Variants in SPHK2 observed in about 807,000 individuals in gnomAD.
SPHK2 encodes the protein sphingosine kinase 2.
A neutral mutation model predicts 32.3 loss-of-function variants in SPHK2; 18 were observed. The ratio of observed to expected loss-of-function variants is 0.56; its 90% CI spans 0.39 to 0.83. The LOEUF is 0.83. Among genes scored for constraint, SPHK2 ranks in the 40% least tolerant of loss-of-function variants. The pLI is 0.00. For synonymous variants in SPHK2, 462 were observed against 417.6 expected, an observed-to-expected ratio of 1.11 and a Z score of -1.30; for missense variants, 850 against 908.7, an observed-to-expected ratio of 0.94 and a Z score of 0.83.
At chr19:48,620,576 A>G in intron 2 of SPHK2, 23 bp downstream of exon 2, 2 of 1,599,770 alleles carry the variant, frequency 1.3e-6, no homozygotes, top group Non-Finnish European at 1.7e-6. Flanking sequence ...CTAAAAGCCA[A>G]GATCCTCATA....
chr19:48,627,244 T>A (rs2029993222), intron 3 of SPHK2, among the ~76,000 whole-genome samples: 1 of 152,274 alleles, frequency 6.6e-6, no homozygotes, highest in South Asian at 2.1e-4. Flanking sequence ...TGCATGGGTC[T>A]TGACCACAGG....
rs115205267 is a variant in SPHK2, at chr19:48,625,687, C to T, written c.40-204C>T. On this transcript the variant is annotated intron_variant, in intron 2 of 6. Transcript: ENST00000245222. ...ATAAATGATTGGATGTTTGCATGCC[C>T]GGGTCTCCGGCCCCCTCTGGGATGC... 2,699 of 1,534,614 alleles carry T rather than the reference C, an allele frequency of 1.8e-3. 40 individuals are homozygous for T. In the African/African-American group the frequency reaches 0.031, roughly 18 times the overall value.
At chr19:48,625,629 G>A in intron 2 of SPHK2, 3 of 1,515,894 alleles carry the variant, frequency 2.0e-6, no homozygotes, top group Non-Finnish European at 1.8e-6. Context: ...CACCGTGATT[G>A]GCACATAAAG....
chr19:48,629,548 G>A lies in SPHK2; in HGVS notation c.1740G>A (p.Leu580=). The A allele has an allele frequency of 6.2e-7, 1 of 1,603,326 alleles. No homozygotes were observed. Among genetic ancestry groups the A allele is most frequent in the Non-Finnish European group, 8.5e-7 (1 of 1,175,974 alleles). The change falls in exon 7 of 7, where the codon CTG becomes CTA. Residue 580 remains leucine (L), a synonymous_variant. Transcript: ENST00000245222. Reference sequence around the variant, plus strand: ...GTAGCGGCATCTCGCGGGCTGCGCTGCTGCGCCTTTTCTTGGCCATGGAGC... The same window carrying A: ...GTAGCGGCATCTCGCGGGCTGCGCTACTGCGCCTTTTCTTGGCCATGGAGC... The part of the protein sequence containing the change: ...WVRSGISRAA[L]LRLFLAMERG...
chr19:48,625,964 C>T lies in SPHK2; in HGVS notation c.113C>T (p.Ala38Val). 6.2e-7 allele frequency: 1 copy of T among 1,612,504 alleles called. No homozygotes were observed. The highest frequency in any genetic ancestry group is 1.1e-5 in the South Asian group (1 of 90,992). ...RSTLVRAKAM[A>V]PPPPPLAAST... ...ACCCTGGTCAGGGCTAAGGCCATGGCCCCGCCCCCACCGCCACTGGCTGCC... is the reference window on the plus strand; with the variant it reads ...ACCCTGGTCAGGGCTAAGGCCATGGTCCCGCCCCCACCGCCACTGGCTGCC... Residue 38 changes from alanine to valine, a missense_variant, in exon 3 of 7, where the codon GCC becomes GTC. Around this residue, in one of 2 missense-constraint regions of SPHK2, gnomAD observed 544 missense variants for 640.0 expected, o/e 0.85. Transcript: ENST00000245222.
chr19:48,625,991 G>A lies in SPHK2; in HGVS notation c.140G>A (p.Ser47Asn). 1 of 1,613,270 alleles carries A rather than the reference G, an allele frequency of 6.2e-7. No homozygotes were observed. The highest frequency in any genetic ancestry group is 8.5e-7 in the Non-Finnish European group (1 of 1,179,900). Reference protein sequence around the residue: ...MAPPPPPLAASTPLLHGEFGS... With the variant: ...MAPPPPPLAANTPLLHGEFGS... ...CCGCCCCCACCGCCACTGGCTGCCA[G>A]CACCCCGCTCCTCCATGGCGAGTTT... Residue 47 changes from serine to asparagine, a missense_variant, in exon 3 of 7, where the codon AGC becomes AAC. Coordinates refer to ENST00000245222, the MANE Select transcript of SPHK2 (RefSeq NM_020126.5).
In SPHK2 at chr19:48,628,694, C is replaced by T. The variant is rs1243128163; in HGVS notation, c.886C>T (p.Leu296=). Residue 296 remains leucine (L), a synonymous_variant, in exon 7 of 7, where the codon CTG becomes TTG. Transcript: ENST00000245222. This position sits in a 1 kb window ranked among gnomAD's most constrained non-coding sequence, Gnocchi z 5.2. The part of the protein sequence containing the change: ...VNQHGGFEPA[L]GLDLLLNCSL... ...CCGGCTGTGAAGATTTGAGCCAGCC[C>T]TGGGCCTCGACCTGTTGCTCAACTG... 5 of 1,611,452 alleles carry T rather than the reference C, an allele frequency of 3.1e-6. No homozygotes were observed. Among genetic ancestry groups the T allele is most frequent in the Non-Finnish European group, 4.2e-6 (5 of 1,179,810 alleles).
At chr19:48,619,745 C>T (rs1974323359) in intron 1 of SPHK2, 1 of 154,452 alleles carries the variant, frequency 6.5e-6, no homozygotes, top group Non-Finnish European at 1.4e-5. Context: ...GTATTCCCAT[C>T]CTTTGAGTTC....
At position 48,626,127 on chromosome 19, in the gene SPHK2, C is replaced by T. The variant is rs1302894035; in HGVS notation, c.276C>T (p.Val92=). The change falls in exon 3 of 7, where the codon GTC becomes GTT. Residue 92 remains valine, a synonymous_variant. Coordinates refer to ENST00000245222, the MANE Select transcript of SPHK2 (RefSeq NM_020126.5). The part of the protein sequence containing the change: ...KPEARPRGGL[V]PLAEVSGCCT... Reference sequence around the variant, plus strand: ...AAGCCAGGCCCCGGGGTGGCCTGGTCCCGTTGGCCGAGGTCTCAGGCTGCT... The same window carrying T: ...AAGCCAGGCCCCGGGGTGGCCTGGTTCCGTTGGCCGAGGTCTCAGGCTGCT... The T allele has an allele frequency of 1.2e-6, 2 of 1,607,200 alleles. No homozygotes were observed. Among genetic ancestry groups the T allele is most frequent in the South Asian group, 1.1e-5 (1 of 90,618 alleles).
Position 48,626,129 on chromosome 19 carries a change from C to A in SPHK2, c.278C>A (p.Pro93Gln). 6.2e-7 allele frequency: 1 copy of A among 1,606,818 alleles called. No individual in the cohort carries two copies. The highest frequency in any genetic ancestry group is 8.5e-7 in the Non-Finnish European group (1 of 1,176,456). Residue 93 changes from proline (P) to glutamine (Q), a missense_variant, in exon 3 of 7, where the codon CCG becomes CAG. By Grantham distance (76) the Pro-to-Gln change is moderately conservative. Coordinates refer to ENST00000245222, the MANE Select transcript of SPHK2 (RefSeq NM_020126.5). ...PEARPRGGLV[P>Q]LAEVSGCCTL... is the part of the protein sequence containing the mutation. ...GCCAGGCCCCGGGGTGGCCTGGTCC[C>A]GTTGGCCGAGGTCTCAGGCTGCTGC...
chr19:48,629,485 G>A lies in SPHK2; in HGVS notation c.1677G>A (p.Ala559=), dbSNP rs771318105. 10 of 1,607,402 alleles carry A rather than the reference G, an allele frequency of 6.2e-6. No individual in the cohort carries two copies. The South Asian group carries it at 9.9e-5, about 16-fold the overall frequency. Residue 559 remains alanine, a synonymous_variant, in exon 7 of 7, where the codon GCG becomes GCA. Transcript: ENST00000245222. ...LGADLVAAPH[A]RFDDGLVHLC... is the part of the protein sequence containing the mutation. ...CTGACCTGGTGGCAGCTCCGCATGC[G>A]CGCTTCGACGACGGCCTGGTGCACC... is the stretch of plus-strand genomic sequence containing the variant.
In SPHK2 at chr19:48,628,036, C is replaced by A. The variant is rs749843519; in HGVS notation, c.723C>A (p.Ile241=). The A allele has an allele frequency of 3.8e-6, 6 of 1,595,350 alleles. No individual in the cohort carries two copies. In the East Asian group the frequency reaches 1.3e-4, roughly 36 times the overall value. ...QGLSLSEWDG[I]VTVSGDGLLH... ...TGAGCCTGAGTGAGTGGGATGGCATCGTCACGGTCTCGGGAGACGGGCTGC... is the reference window on the plus strand; with the variant it reads ...TGAGCCTGAGTGAGTGGGATGGCATAGTCACGGTCTCGGGAGACGGGCTGC... Residue 241 remains isoleucine, a synonymous_variant, in exon 5 of 7, where the codon ATC becomes ATA. Transcript: ENST00000245222. The surrounding 1 kb of genome is among the most constrained non-coding windows in gnomAD (Gnocchi z 5.2).
chr19:48,620,464 T>G lies in SPHK2; in HGVS notation c.-51T>G. The G allele has an allele frequency of 1.9e-6, 3 of 1,584,330 alleles. No homozygotes were observed. Among genetic ancestry groups the G allele is most frequent in the Non-Finnish European group, 2.6e-6 (3 of 1,158,096 alleles). ...TTGCTCCTACCAGCCTACTATGGCT[T>G]AAGACCCAGGGCCAGGGTCCCGTTG... is the stretch of plus-strand genomic sequence containing the variant. On this transcript the variant is annotated 5_prime_UTR_variant, in exon 2 of 7. The change abolishes the stop of an existing upstream ORF in the 5' untranslated region. Transcript: ENST00000245222.
intron 3 of SPHK2, among the ~76,000 whole-genome samples, chr19:48,627,102 C>G (rs976029601): frequency 6.6e-6 from 1 of 152,184 alleles, no homozygotes; most frequent in African/African-American, 2.4e-5. Flanking sequence ...CCATTGCACT[C>G]CATCCTGGGC....
intron 2 of SPHK2, among the ~76,000 whole-genome samples, chr19:48,623,027 G>A (rs1442280837): frequency 2.6e-5 from 4 of 151,288 alleles, no homozygotes; most frequent in African/African-American, 7.3e-5. Flanking sequence ...GATGGATCAC[G>A]AGGTCAGGAG....
rs761219874 is a variant in SPHK2, at chr19:48,626,318, C to T, written c.467C>T (p.Ala156Val). 6.9e-6 allele frequency: 11 copies of T among 1,595,854 alleles called. No individual in the cohort carries two copies. In the South Asian group the frequency reaches 9.9e-5, roughly 14 times the overall value. ...GCCGAGGCCCAGCGCTGGGCCACTG[C>T]CCTCACCTGTCTGCTCCGAGGACTG... The part of the protein sequence containing the change: ...NRAEAQRWAT[A>V]LTCLLRGLPL... The change falls in exon 3 of 7, where the codon GCC (alanine) becomes GTC (valine). Residue 156 changes from alanine to valine, a missense_variant. Ala to Val is a moderately conservative substitution (Grantham distance 64, BLOSUM62 0). Transcript: ENST00000245222.
intron 2 of SPHK2, chr19:48,624,797 C>A: frequency 1.6e-6 from 1 of 633,914 alleles, no homozygotes; most frequent in Non-Finnish European, 2.0e-6. Flanking sequence ...GGGGGTGAAG[C>A]AGACGTCCTG....
rs753284749 is a variant in SPHK2, at chr19:48,629,817, C to T, written c.*44C>T. 3 of 1,521,070 alleles carry T rather than the reference C, an allele frequency of 2.0e-6. No individual in the cohort carries two copies. The highest frequency in any genetic ancestry group is 2.6e-6 in the Non-Finnish European group (3 of 1,133,548). 94.2% of individuals were successfully genotyped at this position (1,521,070 alleles called of 1,614,324 possible). A position where few individuals can be genotyped will look rare whatever the true frequency, so the allele number is the denominator to read the frequency against. ...CCCGCCGGGGGCGGGGCCTACATTC[C>T]AATGGGGCGGAGCCTGAGCTAGGGG... On this transcript the variant is annotated 3_prime_UTR_variant, in exon 7 of 7. Coordinates refer to ENST00000245222, the MANE Select transcript of SPHK2 (RefSeq NM_020126.5).
At position 48,626,065 on chromosome 19, in the gene SPHK2, C is replaced by A. The variant is rs762179812; in HGVS notation, c.214C>A (p.Gln72Lys). The change falls in exon 3 of 7, where the codon CAG (glutamine) becomes AAG (lysine). Residue 72 changes from glutamine (Q) to lysine (K), a missense_variant. Around this residue, in one of 2 missense-constraint regions of SPHK2, gnomAD observed 544 missense variants for 640.0 expected, o/e 0.85. Transcript: ENST00000245222. ...ACGCTTTGCCCTCACCCTTACATCG[C>A]AGGCCCTGCACATACAGCGGCTGCG... is the stretch of plus-strand genomic sequence containing the variant. ...GPRFALTLTS[Q>K]ALHIQRLRPK... The A allele has an allele frequency of 1.9e-6, 3 of 1,613,358 alleles. 1 individual carries two copies. In the South Asian group the frequency reaches 3.3e-5, roughly 18 times the overall value.
Sources: gnomAD v4.1 joint callset for allele counts (sites outside exome capture counted in the v4.1 genomes callset) on GRCh38, gnomAD v4.1.1 for gene constraint, gnomAD v4.1.1 regional missense constraint, Gnocchi (gnomAD v3.1) non-coding constraint, MANE v1.5 for transcripts, NCBI Gene and HGNC (gene_info 2026-07-23, HGNC 2026-07-21) for gene names.